The following SPC25 variants were observed in gnomAD, a reference collection of about 807,000 sequenced individuals.
The protein encoded by SPC25 is SPC25 component of NDC80 kinetochore complex.
A neutral mutation model predicts 29.6 loss-of-function variants in SPC25; 22 were observed. That is an observed-to-expected ratio of 0.74 (90% confidence interval 0.53 to 1.06). The LOEUF (loss-of-function observed/expected upper bound fraction) is 1.06, where lower values mean the gene tolerates loss of function less well. SPC25 is among the 50% of genes least tolerant of loss of function. SPC25 has a pLI of 0.00. For missense variants in SPC25, 230 were observed against 255.8 expected (o/e 0.90, Z 0.69); for synonymous variants, 91 against 90.4 (o/e 1.01, Z -0.04).
intron 3 of SPC25, among the ~76,000 whole-genome samples, chr2:168,888,991 GTATA>G (rs1180603456): frequency 9.1e-5 from 7 of 77,338 alleles, no homozygotes; most frequent in Non-Finnish European, 1.7e-4. Flanking sequence ...ACATATATAT[GTATA>G]TATATACACA....
intron 4 of SPC25, chr2:168,863,561 T>A: frequency 1.0e-6 from 1 of 985,334 alleles, no homozygotes; most frequent in Non-Finnish European, 1.2e-6. Context: ...TTTATTTGAA[T>A]CATTGCTTTA....
intron 4 of SPC25, among the ~76,000 whole-genome samples, chr2:168,862,592 G>A (rs1330606579): frequency 1.3e-5 from 2 of 152,216 alleles, no homozygotes; most frequent in Admixed American, 6.5e-5. Flanking sequence ...TCCCAGCTTA[G>A]TGCTGGTCTC....
At position 168,879,523 on chromosome 2, in the gene SPC25, T is replaced by G. The variant is rs527663665; in HGVS notation, c.200-2139A>C. Among the ~76,000 whole-genome samples, 55 of 152,360 alleles carry G rather than the reference T, an allele frequency of 3.6e-4. No homozygotes were observed. The Middle Eastern group carries it at 0.01, about 28-fold the overall frequency. On this transcript the variant is annotated intron_variant, in intron 3 of 6. Transcript: ENST00000282074. The stretch of plus-strand genomic sequence containing the variant: ...CAGGCTCCACTTCTAAATCTAGGTC[T>G]CTTGTGATTTCTACCACATCTGTAG...
chr2:168,867,681 A>G (rs1313383703), downstream of SPC25, among the ~76,000 whole-genome samples: 84 of 152,288 alleles, frequency 5.5e-4, no homozygotes, highest in Non-Finnish European at 1.1e-3. Context: ...AACAAGAAGA[A>G]CTAACTATCC....
intron 5 of SPC25, among the ~76,000 whole-genome samples, chr2:168,873,961 A>G (rs528617886): frequency 1.3e-5 from 2 of 152,302 alleles, no homozygotes; most frequent in South Asian, 4.1e-4. Flanking sequence ...AAGACAACCT[A>G]AAGAATGGGA....
chr2:168,862,815 G>A (rs1346905653), intron 4 of SPC25, among the ~76,000 whole-genome samples: 3 of 152,206 alleles, frequency 2.0e-5, no homozygotes, highest in African/African-American at 4.8e-5. Flanking sequence ...CAGAGATCTG[G>A]AAACGGAAGG....
chr2:168,885,524 TCTAACC>T lies in SPC25; in HGVS notation c.199+3696_199+3701del, dbSNP rs1342668568. 1.2e-4 allele frequency among the ~76,000 whole-genome samples: 19 copies of T among 152,290 alleles called. No individual in the cohort carries two copies. In the South Asian group the frequency reaches 1.7e-3, roughly 13 times the overall value. On this transcript the variant is annotated intron_variant, in intron 3 of 6. Transcript: ENST00000282074. Reference sequence around the variant, plus strand: ...ACTCTTTATCTCCTGAAAAACAAAGTCTAACCCCCTTTGCACAACATGGAATGTCCA... The same window carrying T: ...ACTCTTTATCTCCTGAAAAACAAAGTCCCTTTGCACAACATGGAATGTCCA...
chr2:168,873,832 A>G, intron 5 of SPC25, 149 bp from the exon 6 acceptor site: 1 of 467,608 alleles, frequency 2.1e-6, no homozygotes, highest in Non-Finnish European at 3.9e-6. Context: ...TCGTTTTAAA[A>G]TATATTATAG....
At position 168,885,955 on chromosome 2, in the gene SPC25, T is replaced by C. The variant is rs572883991; in HGVS notation, c.199+3271A>G. 3.2e-4 allele frequency among the ~76,000 whole-genome samples: 49 copies of C among 152,246 alleles called. No individual in the cohort carries two copies. The South Asian group carries it at 9.7e-3, about 30-fold the overall frequency. ...CATGGTATACAAGGTAATGGTTAGC[T>C]ATTAAATATCCTGCATTCCTCACTG... On this transcript the variant is annotated intron_variant, in intron 3 of 6. Transcript: ENST00000282074.
In SPC25 at chr2:168,876,198, T is replaced by C. The variant is rs756243614; in HGVS notation, c.347-22A>G. ...ATAGCTGATTAAAAAACACACACAA[T>C]ATTAAATGTTTTAAATAATAGCAAA... On this transcript the variant is annotated intron_variant, in intron 4 of 6. Coordinates refer to ENST00000282074, the MANE Select transcript of SPC25 (RefSeq NM_020675.4). The C allele has an allele frequency of 6.2e-6, 9 of 1,445,262 alleles. No homozygotes were observed. In the South Asian group the frequency reaches 1.3e-4, roughly 20 times the overall value. 89.5% of individuals were successfully genotyped at this position (1,445,262 alleles called of 1,614,324 possible).
chr2:168,883,555 C>T (rs1482750497), intron 3 of SPC25, among the ~76,000 whole-genome samples: 5 of 152,150 alleles, frequency 3.3e-5, no homozygotes, highest in East Asian at 3.8e-4. Context: ...GTCAAAATCA[C>T]GACTTCTGAA....
chr2:168,874,551 A>G (rs557666987), intron 5 of SPC25, among the ~76,000 whole-genome samples: 3 of 152,282 alleles, frequency 2.0e-5, no homozygotes, highest in African/African-American at 4.8e-5. Context: ...AATGGAATGA[A>G]CTTGGCTGCT....
chr2:168,884,580 C>G (rs1181304744), intron 3 of SPC25, among the ~76,000 whole-genome samples: 7 of 152,178 alleles, frequency 4.6e-5, no homozygotes. Flanking sequence ...ACTGGATCTA[C>G]CTGTGACTTA....
chr2:168,890,141 A>T (rs1690368378), intron 1 of SPC25, among the ~76,000 whole-genome samples, 177 bp downstream of exon 1: 1 of 152,168 alleles, frequency 6.6e-6, no homozygotes, highest in Non-Finnish European at 1.5e-5. Context: ...CCTGCAGTGA[A>T]ACCCAGAACG....
Position 168,871,281 on chromosome 2 carries a change from C to G in SPC25, c.*150G>C. 1.5e-6 allele frequency: 1 copy of G among 651,700 alleles called. No individual in the cohort carries two copies. The highest frequency in any genetic ancestry group is 3.6e-5 in the Admixed American group (1 of 27,698). 40.4% of individuals were successfully genotyped at this position (651,700 alleles called of 1,614,324 possible). On this transcript the variant is annotated 3_prime_UTR_variant, in exon 7 of 7. Coordinates refer to ENST00000282074, the MANE Select transcript of SPC25 (RefSeq NM_020675.4). ...ATGACGAGTTAATGGGTGCAGCACA[C>G]CAATATGGCACATGTATACATATGT...
intron 3 of SPC25, among the ~76,000 whole-genome samples, chr2:168,880,252 T>A (rs1690154745): frequency 6.6e-6 from 1 of 152,216 alleles, no homozygotes; most frequent in South Asian, 2.1e-4. Context: ...CAAAAATCCG[T>A]TCTTTAATGA....
chr2:168,875,399 A>C (rs1055832665), intron 5 of SPC25, among the ~76,000 whole-genome samples: 6 of 152,170 alleles, frequency 3.9e-5, no homozygotes, highest in Non-Finnish European at 7.4e-5. Flanking sequence ...TGTCCATACT[A>C]TGTATTTTCC....
downstream of SPC25, among the ~76,000 whole-genome samples, chr2:168,869,559 A>G (rs1228667319): frequency 6.6e-6 from 1 of 151,912 alleles, no homozygotes; most frequent in Non-Finnish European, 1.5e-5. Context: ...TTTATACACC[A>G]ATAACAGACA....
At chr2:168,865,724 C>A (rs1033837983) in intron 4 of SPC25, among the ~76,000 whole-genome samples, 1 of 152,148 alleles carries the variant, frequency 6.6e-6, no homozygotes, top group Non-Finnish European at 1.5e-5. Context: ...GAAAACCCCA[C>A]TGTCTCAGCC....
Sources: gnomAD v4.1 joint callset for allele counts (sites outside exome capture counted in the v4.1 genomes callset) on GRCh38, gnomAD v4.1.1 for gene constraint, MANE v1.5 for transcripts, NCBI Gene and HGNC (gene_info 2026-07-23, HGNC 2026-07-21) for gene names.